UGGT2: variants seen among roughly 807,000 people sequenced by gnomAD.
UGGT2 encodes the protein UDP-glucose:glycoprotein glucosyltransferase 2.
In UGGT2, 180 loss-of-function variants were observed where a neutral mutation model predicts 192.1. That is an observed-to-expected ratio of 0.94 (90% CI 0.83 to 1.06). The LOEUF is 1.06. Ranked by LOEUF, UGGT2 falls within the 50% of genes least tolerant of loss-of-function variation. The probability of loss-of-function intolerance (pLI) is 0.00; values close to 1 mark genes in which losing one functional copy is unlikely to be tolerated. For synonymous variants in UGGT2, 580 were observed against 591.0 expected (o/e 0.98, Z 0.27); for missense variants, 1,849 against 1,795.7 (o/e 1.03, Z -0.54).
At chr13:96,029,346 GTGTGATCTCGGCTCAC>G (rs1442641739) in intron 2 of UGGT2, among the ~76,000 whole-genome samples, 38 of 152,150 alleles carry the variant, frequency 2.5e-4, no homozygotes, top group African/African-American at 8.2e-4. Context: ...CAGTCCAGTG[GTGTGATCTCGGCTCAC>G]TGCAGCCTAT....
intron 38 of UGGT2, among the ~76,000 whole-genome samples, chr13:95,829,552 A>G (rs915948101): frequency 6.6e-6 from 1 of 152,186 alleles, no homozygotes; most frequent in Admixed American, 6.5e-5. Context: ...CCAAATCATG[A>G]GTGAACTCCC....
intron 17 of UGGT2, among the ~76,000 whole-genome samples, chr13:95,934,039 T>C (rs2049379660): frequency 6.6e-6 from 1 of 152,238 alleles, no homozygotes; most frequent in South Asian, 2.1e-4. Flanking sequence ...AAACTGCTTT[T>C]GCTGCATGCC....
At chr13:95,826,826 A>G (rs1452662520) in intron 38 of UGGT2, among the ~76,000 whole-genome samples, 1 of 152,054 alleles carries the variant, frequency 6.6e-6, no homozygotes, top group Non-Finnish European at 1.5e-5. Flanking sequence ...AAACACAGAA[A>G]ATTTTCTGAA....
chr13:95,922,771 C>G (rs142813053), intron 20 of UGGT2, among the ~76,000 whole-genome samples: 1 of 150,864 alleles, frequency 6.6e-6, no homozygotes, highest in South Asian at 2.1e-4. Flanking sequence ...TGTGGTGAGC[C>G]GAGATCACAC....
At chr13:96,015,867 A>G (rs554459243) in intron 4 of UGGT2, among the ~76,000 whole-genome samples, 2 of 152,316 alleles carry the variant, frequency 1.3e-5, no homozygotes, top group East Asian at 3.9e-4. Context: ...AAGGAGTGGA[A>G]TAATGAAACT....
chr13:95,927,160 TAAA>T (rs1566707774), intron 18 of UGGT2, 34 bp from the exon 19 acceptor site: 1 of 1,605,140 alleles, frequency 6.2e-7, no homozygotes, highest in Non-Finnish European at 8.5e-7. Flanking sequence ...TAAATATAAA[TAAA>T]GAATTCACAA....
chr13:96,042,621 G>A (rs1274086092), intron 1 of UGGT2, among the ~76,000 whole-genome samples: 1 of 151,160 alleles, frequency 6.6e-6, no homozygotes, highest in Non-Finnish European at 1.5e-5. Context: ...AAAAAAAAAA[G>A]ATACAAGAAA....
intron 20 of UGGT2, among the ~76,000 whole-genome samples, chr13:95,920,973 G>A (rs1349596651): frequency 6.6e-6 from 1 of 152,120 alleles, no homozygotes; most frequent in Non-Finnish European, 1.5e-5. Context: ...ACTGGATAAA[G>A]AAAATGTGAT....
chr13:95,867,155 C>T (rs549313798), intron 30 of UGGT2, among the ~76,000 whole-genome samples, 184 bp downstream of exon 30: 89 of 152,194 alleles, frequency 5.8e-4, no homozygotes, highest in South Asian at 2.1e-3. Context: ...TCTCTTCTAT[C>T]TTCAAGTTCT....
At chr13:95,821,125 G>A (rs1885468606) in intron 38 of UGGT2, among the ~76,000 whole-genome samples, 1 of 152,028 alleles carries the variant, frequency 6.6e-6, no homozygotes, top group Admixed American at 6.6e-5. Flanking sequence ...TTTCTGTATT[G>A]AATGGTAGAT....
At chr13:95,897,775 G>A (rs1466064144) in intron 22 of UGGT2, among the ~76,000 whole-genome samples, 1 of 152,060 alleles carries the variant, frequency 6.6e-6, no homozygotes, top group Non-Finnish European at 1.5e-5. Flanking sequence ...ACAAATAAAA[G>A]GATAATTGAA....
chr13:95,832,817 A>T, intron 38 of UGGT2, 110 bp downstream of exon 38: 1 of 1,489,598 alleles, frequency 6.7e-7, no homozygotes, highest in Non-Finnish European at 9.2e-7. Flanking sequence ...AGACTTTCTT[A>T]AAGAAATTCT....
intron 24 of UGGT2, among the ~76,000 whole-genome samples, chr13:95,892,041 G>A (rs77839846): frequency 1.4e-3 from 214 of 152,232 alleles, no homozygotes; most frequent in African/African-American, 4.7e-3. Flanking sequence ...CTATTAAAGT[G>A]ACTCTTGACA....
intron 32 of UGGT2, 21 bp from the exon 33 acceptor site, chr13:95,859,696 C>A (rs769468684): frequency 1.3e-6 from 2 of 1,549,296 alleles, no homozygotes; most frequent in East Asian, 2.3e-5. Flanking sequence ...GAATATTAAA[C>A]CCAATATACA....
At chr13:96,011,030 A>G (rs915358001) in intron 5 of UGGT2, among the ~76,000 whole-genome samples, 5 of 152,214 alleles carry the variant, frequency 3.3e-5, no homozygotes, top group Non-Finnish European at 7.4e-5. Context: ...TCTTTTAAAC[A>G]AATGTTAAAA....
At chr13:96,035,281 A>T (rs2052967970) in intron 1 of UGGT2, among the ~76,000 whole-genome samples, 1 of 152,198 alleles carries the variant, frequency 6.6e-6, no homozygotes, top group African/African-American at 2.4e-5. Flanking sequence ...AGCATCTGAT[A>T]TTTGACAAAC....
At chr13:95,975,864 A>T (rs2050921702) in intron 10 of UGGT2, among the ~76,000 whole-genome samples, 1 of 152,144 alleles carries the variant, frequency 6.6e-6, no homozygotes, top group South Asian at 2.1e-4. Context: ...ACATTTATGG[A>T]GATCTTGTGA....
At position 95,807,716 on chromosome 13, in the gene UGGT2, C is replaced by CTTTTTTTTTTTT; in HGVS notation, c.4529-5916_4529-5905dup. ...GTATCTTGAAACCCTCAGCCCTCAC[C>CTTTTTTTTTTTT]TTTTTTTTTTTTTTTTTTTGCCGTA... On this transcript the variant is annotated intron_variant, in intron 38 of 38. Transcript: ENST00000376747. 4.2e-4 allele frequency among the ~76,000 whole-genome samples: 33 copies of CTTTTTTTTTTTT among 78,700 alleles called. 3 individuals carry two copies. The highest frequency in any genetic ancestry group is 6.9e-4 in the East Asian group (2 of 2,888). The allele number at this position is 78,700 out of a possible 152,430, so 51.6% of individuals were successfully genotyped here.
In UGGT2 at chr13:95,832,927, T is replaced by G; in HGVS notation, c.4528A>C (p.Ile1510Leu). ...DHLENKKQDTILTHDEL is the reference protein window; with the variant it reads ...DHLENKKQDTLLTHDEL The stretch of plus-strand genomic sequence containing the variant: ...ACATCACAACACGTTGATGACTTAC[T>G]TGTATCTTGCTTCTTGTTTTCAAGA... Residue 1510 changes from isoleucine (I) to leucine (L), a missense_variant and splice_region_variant, in exon 38 of 39, where the codon ATT becomes CTT. Transcript: ENST00000376747. 2 of 1,612,256 alleles carry G rather than the reference T, an allele frequency of 1.2e-6. No individual in the cohort carries two copies. The highest frequency in any genetic ancestry group is 1.7e-6 in the Non-Finnish European group (2 of 1,178,790).
Sources: allele counts gnomAD v4.1 joint callset (sites outside exome capture counted in the v4.1 genomes callset), GRCh38; gene constraint gnomAD v4.1.1; transcripts MANE v1.5; gene names NCBI Gene and HGNC (gene_info 2026-07-23, HGNC 2026-07-21).